Variants in ROBO2 observed in about 807,000 individuals in gnomAD.
ROBO2 encodes the protein roundabout guidance receptor 2, also known as roundabout homolog 2.
In ROBO2, 53 loss-of-function variants were observed where a neutral mutation model predicts 160.8. The observed-to-expected ratio is 0.33, with a 90% CI of 0.26 to 0.41. ROBO2 has a LOEUF of 0.41. ROBO2 is among the 10% of genes least tolerant of loss of function. The pLI is 1.00. For missense variants in ROBO2, 1,577 were observed against 1,722.4 expected, an observed-to-expected ratio of 0.92 and a Z score of 1.49; for synonymous variants, 664 against 611.7, an observed-to-expected ratio of 1.09 and a Z score of -1.26.
chr3:77,061,222 T>C (rs2066269503), intron 1 of ROBO2, among the ~76,000 whole-genome samples: 1 of 152,202 alleles, frequency 6.6e-6, no homozygotes, highest in Non-Finnish European at 1.5e-5. Context: ...AAGTTGTTGA[T>C]TTAAAAGTCA....
intron 1 of ROBO2, among the ~76,000 whole-genome samples, chr3:75,922,988 C>G (rs1576152739): frequency 6.6e-6 from 1 of 152,180 alleles, no homozygotes; most frequent in South Asian, 2.1e-4. Context: ...AAAGCATACC[C>G]TTTGCTGTTG....
At chr3:76,865,607 C>T (rs1027278552) in intron 2 of ROBO2, among the ~76,000 whole-genome samples, 4 of 152,058 alleles carry the variant, frequency 2.6e-5, no homozygotes, top group African/African-American at 9.7e-5. Flanking sequence ...AAGGTCATAA[C>T]CAGATTTGTT....
chr3:76,370,440 C>T (rs1219842126), intron 2 of ROBO2, among the ~76,000 whole-genome samples: 2 of 151,786 alleles, frequency 1.3e-5, no homozygotes, highest in African/African-American at 4.8e-5. Context: ...ACATAATGTC[C>T]TCATTTATTA....
chr3:76,697,281 T>A (rs1325714733), intron 2 of ROBO2, among the ~76,000 whole-genome samples: 1 of 152,198 alleles, frequency 6.6e-6, no homozygotes, highest in African/African-American at 2.4e-5. Context: ...GATATTCATT[T>A]AATCAAGACA....
At chr3:76,157,618 G>A (rs1479987804) in intron 2 of ROBO2, among the ~76,000 whole-genome samples, 1 of 152,024 alleles carries the variant, frequency 6.6e-6, no homozygotes, top group Non-Finnish European at 1.5e-5. Flanking sequence ...AATGCTTTAG[G>A]GGTTAATTAG....
Position 75,909,048 on chromosome 3 carries a change from G to T in ROBO2, c.-14+2088G>T, listed in dbSNP as rs1428044618. Reference sequence around the variant, plus strand: ...GATATATCTAATGTATATCTGATGTGGGACTTATGAGAAAAGGAGAGGTAG... The same window carrying T: ...GATATATCTAATGTATATCTGATGTTGGACTTATGAGAAAAGGAGAGGTAG... On this transcript the variant is annotated intron_variant, in intron 1 of 26. Coordinates refer to the ROBO2 transcript ENST00000487694. 2.0e-5 allele frequency among the ~76,000 whole-genome samples: 3 copies of T among 152,146 alleles called. No individual in the cohort carries two copies. The East Asian group carries it at 5.8e-4, about 29-fold the overall frequency.
chr3:76,863,467 A>G (rs1390792338), intron 2 of ROBO2, among the ~76,000 whole-genome samples: 1 of 151,562 alleles, frequency 6.6e-6, no homozygotes, highest in Non-Finnish European at 1.5e-5. Flanking sequence ...AAGAAAAGAA[A>G]GAAAATAAAG....
At chr3:75,989,617 A>G (rs556021413) in intron 2 of ROBO2, among the ~76,000 whole-genome samples, 1 of 152,088 alleles carries the variant, frequency 6.6e-6, no homozygotes, top group Non-Finnish European at 1.5e-5. Context: ...AGAACATGTT[A>G]AAGATAAGTA....
At chr3:76,845,382 C>T (rs1010026471) in intron 2 of ROBO2, among the ~76,000 whole-genome samples, 2 of 151,900 alleles carry the variant, frequency 1.3e-5, no homozygotes, top group Non-Finnish European at 2.9e-5. Flanking sequence ...TTTTGACAAC[C>T]ATCATTAGTA....
chr3:77,066,476 TC>T (rs1266166574), intron 1 of ROBO2, among the ~76,000 whole-genome samples: 1 of 152,156 alleles, frequency 6.6e-6, no homozygotes, highest in Non-Finnish European at 1.5e-5. Flanking sequence ...TCATATAATT[TC>T]TTTAAAAATG....
At chr3:77,457,555 G>A (rs1433726162) in intron 2 of ROBO2, among the ~76,000 whole-genome samples, 4 of 151,942 alleles carry the variant, frequency 2.6e-5, no homozygotes, top group Non-Finnish European at 4.4e-5. Flanking sequence ...AAACTTGATC[G>A]GTATTATATT....
chr3:77,560,816 A>G (rs2093298578), intron 9 of ROBO2, among the ~76,000 whole-genome samples: 1 of 152,160 alleles, frequency 6.6e-6, no homozygotes, highest in Admixed American at 6.6e-5. Context: ...ATTTGCAAGT[A>G]ATAACAAGTG....
intron 2 of ROBO2, among the ~76,000 whole-genome samples, chr3:76,719,507 A>G (rs560587126): frequency 9.3e-4 from 141 of 152,272 alleles, no homozygotes; most frequent in African/African-American, 3.2e-3. Context: ...GCTGACCCCT[A>G]TATAATTTAA....
chr3:76,986,865 T>C (rs964475676), intron 2 of ROBO2, among the ~76,000 whole-genome samples: 3 of 149,492 alleles, frequency 2.0e-5, no homozygotes, highest in African/African-American at 7.4e-5. Flanking sequence ...ATAGGGAATA[T>C]AATAAGTAAA....
At chr3:76,029,703 T>A (rs2066857407) in intron 2 of ROBO2, among the ~76,000 whole-genome samples, 1 of 152,142 alleles carries the variant, frequency 6.6e-6, no homozygotes, top group African/African-American at 2.4e-5. Context: ...AACTAATCCT[T>A]TTTACGGCTG....
chr3:76,029,998 C>T (rs1204285268), intron 2 of ROBO2, among the ~76,000 whole-genome samples: 2 of 152,048 alleles, frequency 1.3e-5, no homozygotes, highest in East Asian at 3.9e-4. Flanking sequence ...TAAAAGTGTT[C>T]CTATTTCTCC....
intron 2 of ROBO2, among the ~76,000 whole-genome samples, chr3:76,717,824 G>GCAA (rs1560436720): frequency 7.3e-5 from 11 of 151,544 alleles, no homozygotes; most frequent in African/African-American, 2.4e-4. Flanking sequence ...CCATAACCAA[G>GCAA]ATTTGCAGGT....
chr3:77,646,144 T>A lies in ROBO2; in HGVS notation c.*89T>A, dbSNP rs1178437995. On this transcript the variant is annotated 3_prime_UTR_variant, in exon 26 of 26. Coordinates refer to ENST00000461745, the Ensembl canonical transcript of ROBO2. ...TGACTCTAAACAGTGCAATGAACAA[T>A]TTATTTATGTACTATTAAAAGAACT... 3 of 895,612 alleles carry A rather than the reference T, an allele frequency of 3.3e-6. No individual in the cohort carries two copies. The South Asian group carries it at 5.5e-5, about 16-fold the overall frequency. The allele number at this position is 895,612 out of a possible 1,614,324, so 55.5% of individuals were successfully genotyped here.
intron 21 of ROBO2, among the ~76,000 whole-genome samples, chr3:77,612,012 T>A (rs1257329639): frequency 6.6e-6 from 1 of 152,158 alleles, no homozygotes; most frequent in African/African-American, 2.4e-5. Flanking sequence ...TTATTAGTAA[T>A]TTGGTATTTG....
Sources: allele counts gnomAD v4.1 joint callset (sites outside exome capture counted in the v4.1 genomes callset), GRCh38; gene constraint gnomAD v4.1.1; transcripts MANE v1.5; gene names NCBI Gene and HGNC (gene_info 2026-07-23, HGNC 2026-07-21).